The following ZFR2 variants were observed in gnomAD, a reference collection of about 807,000 sequenced individuals.
ZFR2 encodes zinc finger RNA binding protein 2, also known as zinc finger RNA-binding protein 2.
Under a neutral mutation model 105.7 loss-of-function variants are expected in ZFR2, and 104 were observed. That is an observed-to-expected ratio of 0.98 (90% CI 0.84 to 1.16). ZFR2 has a LOEUF of 1.16. Ranked by LOEUF, ZFR2 falls within the 50% of genes most tolerant of loss-of-function variation. The probability of loss-of-function intolerance (pLI) is 0.00; values close to 1 mark genes in which losing one functional copy is unlikely to be tolerated. For synonymous variants in ZFR2, 634 were observed against 597.7 expected, an observed-to-expected ratio of 1.06 and a Z score of -0.89; for missense variants, 1,425 against 1,355.5, an observed-to-expected ratio of 1.05 and a Z score of -0.80.
chr19:3,827,738 G>A (rs1431206311), intron 5 of ZFR2, 85 bp from the exon 6 acceptor site: 13 of 1,481,364 alleles, frequency 8.8e-6, no homozygotes, highest in East Asian at 2.5e-5. Flanking sequence ...GGCTTAGCGC[G>A]AGGGAACTCG....
At chr19:3,807,992 T>C (rs1426126764) in intron 17 of ZFR2, among the ~76,000 whole-genome samples, 2 of 150,092 alleles carry the variant, frequency 1.3e-5, no homozygotes, top group Non-Finnish European at 3.0e-5. Context: ...TGTGCCCGTG[T>C]GTGCAGGTAC....
intron 7 of ZFR2, 134 bp downstream of exon 7, chr19:3,825,095 CG>C: frequency 9.4e-7 from 1 of 1,065,534 alleles, no homozygotes; most frequent in Non-Finnish European, 1.3e-6. Context: ...AAGGGAGAGA[CG>C]GCACCAGCCA....
chr19:3,861,101 C>A (rs1370413279), intron 1 of ZFR2, among the ~76,000 whole-genome samples: 2 of 152,180 alleles, frequency 1.3e-5, no homozygotes, highest in African/African-American at 4.8e-5. Flanking sequence ...GCAGGACTGG[C>A]CTTCCCAGAT....
intron 1 of ZFR2, among the ~76,000 whole-genome samples, chr19:3,867,453 T>C (rs542960488): frequency 6.6e-6 from 1 of 152,122 alleles, no homozygotes; most frequent in South Asian, 2.1e-4. Context: ...TTTGTACACT[T>C]GGGGCACAAA....
chr19:3,819,148 C>A lies in ZFR2; in HGVS notation c.1828G>T (p.Val610Leu). The A allele has an allele frequency of 6.2e-7, 1 of 1,607,434 alleles. No homozygotes were observed. The highest frequency in any genetic ancestry group is 8.5e-7 in the Non-Finnish European group (1 of 1,178,818). ...TCTGCGTGGGACACGGCCCTCTGCA[C>A]GGCCAGGAGCTCCTGCTCCGTGGGG... ...IYPTEQELLA[V>L]QRAVSHAERA... The change falls in exon 12 of 19, where the codon GTG (valine) becomes TTG (leucine). Residue 610 changes from valine (V) to leucine (L), a missense_variant. By Grantham distance (32) the Val-to-Leu change is conservative. Coordinates refer to ENST00000262961, the MANE Select transcript of ZFR2 (RefSeq NM_015174.2).
chr19:3,866,202 G>A lies in ZFR2; in HGVS notation c.53+2763C>T, dbSNP rs542916380. On this transcript the variant is annotated intron_variant, in intron 1 of 18. Transcript: ENST00000262961. Reference sequence around the variant, plus strand: ...AACAAAAGTCATTTCCCACAAGAAAGAATGTCTAGTTAACCTAAAGTCATT... The same window carrying A: ...AACAAAAGTCATTTCCCACAAGAAAAAATGTCTAGTTAACCTAAAGTCATT... Among the ~76,000 whole-genome samples, 164 of 152,288 alleles carry A rather than the reference G, an allele frequency of 1.1e-3. 1 individual carries two copies. The highest frequency in any genetic ancestry group is 3.3e-3 in the South Asian group (16 of 4,828).
chr19:3,857,424 G>A (rs892518790), intron 1 of ZFR2, among the ~76,000 whole-genome samples: 13 of 151,896 alleles, frequency 8.6e-5, no homozygotes, highest in African/African-American at 2.9e-4. Context: ...TCACAAACTG[G>A]CCGGGTGTGG....
Position 3,813,461 on chromosome 19 carries a change from A to G in ZFR2, c.2242+359T>C, listed in dbSNP as rs920087599. ...TCAAACTGAGCTTCTGCCGTGACCC[A>G]GGGGAAATGGCTCAGACCTGTCCTT... On this transcript the variant is annotated intron_variant, in intron 14 of 18. Coordinates refer to ENST00000262961, the MANE Select transcript of ZFR2 (RefSeq NM_015174.2). This position sits in a 1 kb window ranked among gnomAD's most constrained non-coding sequence, Gnocchi z 4.4. Among the ~76,000 whole-genome samples the G allele has an allele frequency of 6.6e-6, 1 of 152,152 alleles. No individual in the cohort carries two copies. The highest frequency in any genetic ancestry group is 2.4e-5 in the African/African-American group (1 of 41,444).
rs540094366 is a variant in ZFR2 at position 3,858,687 on chromosome 19, G to A, written c.53+10278C>T. On this transcript the variant is annotated intron_variant, in intron 1 of 18. Transcript: ENST00000262961. The surrounding 1 kb of genome is among the most constrained non-coding windows in gnomAD (Gnocchi z 4.3). ...ACAAAAATCAACCGGGCATGGTGGT[G>A]CATGCCTGAAATCCCAGCTACTTGG... Among the ~76,000 whole-genome samples the A allele has an allele frequency of 3.9e-5, 6 of 152,316 alleles. No individual in the cohort carries two copies. In the South Asian group the frequency reaches 1.0e-3, roughly 26 times the overall value.
chr19:3,831,202 C>G, intron 5 of ZFR2, 101 bp downstream of exon 5: 1 of 1,413,838 alleles, frequency 7.1e-7, no homozygotes, highest in Non-Finnish European at 9.2e-7. Context: ...CTTCTTTCAG[C>G]AGGCAGCGAC....
chr19:3,817,041 C>T lies in ZFR2; in HGVS notation c.1932-196G>A, dbSNP rs376542762. Among the ~76,000 whole-genome samples the T allele has an allele frequency of 2.4e-4, 36 of 152,278 alleles. 1 individual carries two copies. Among genetic ancestry groups the T allele is most frequent in the African/African-American group, 8.4e-4 (35 of 41,540 alleles). On this transcript the variant is annotated intron_variant, in intron 12 of 18. Coordinates refer to ENST00000262961, the MANE Select transcript of ZFR2 (RefSeq NM_015174.2). ...AAATGAGACACCGTGAGATCGATCT[C>T]GGAGGTGCTGTCACCGGGCATGCCT...
intron 1 of ZFR2, among the ~76,000 whole-genome samples, chr19:3,860,197 A>ATTTTT (rs113571842): frequency 2.2e-5 from 3 of 134,978 alleles, no homozygotes; most frequent in African/African-American, 8.4e-5. Flanking sequence ...TGCCTGGCTA[A>ATTTTT]TTTTTTTTTT....
intron 1 of ZFR2, among the ~76,000 whole-genome samples, chr19:3,851,515 A>G (rs1293803991): frequency 6.6e-6 from 1 of 152,220 alleles, no homozygotes; most frequent in Non-Finnish European, 1.5e-5. Flanking sequence ...AAGCATGCTT[A>G]CACGAGGAAG....
intron 16 of ZFR2, among the ~76,000 whole-genome samples, chr19:3,809,778 T>TA (rs1164330100): frequency 6.6e-6 from 1 of 151,804 alleles, no homozygotes; most frequent in Admixed American, 6.6e-5. Flanking sequence ...ACCCCATCTC[T>TA]ACTAAAAATA....
At chr19:3,847,193 A>C (rs1362465384) in intron 1 of ZFR2, among the ~76,000 whole-genome samples, 1 of 152,214 alleles carries the variant, frequency 6.6e-6, no homozygotes, top group Non-Finnish European at 1.5e-5. Context: ...ACAGCAGGTG[A>C]AAGTTGCCCT....
At position 3,819,138 on chromosome 19, in the gene ZFR2, G is replaced by A. The variant is rs913948933; in HGVS notation, c.1838C>T (p.Ala613Val). Residue 613 changes from alanine to valine, a missense_variant, in exon 12 of 19, where the codon GCC becomes GTC. Physicochemically the swap from Ala to Val is moderately conservative, Grantham distance 64. Coordinates refer to ENST00000262961, the MANE Select transcript of ZFR2 (RefSeq NM_015174.2). ...TEQELLAVQRAVSHAERALKL... is the reference protein window; with the variant it reads ...TEQELLAVQRVVSHAERALKL... ...GAGGGCCCGCTCTGCGTGGGACACGGCCCTCTGCACGGCCAGGAGCTCCTG... is the reference window on the plus strand; with the variant it reads ...GAGGGCCCGCTCTGCGTGGGACACGACCCTCTGCACGGCCAGGAGCTCCTG... The A allele has an allele frequency of 1.9e-6, 3 of 1,609,898 alleles. No individual in the cohort carries two copies. Among genetic ancestry groups the A allele is most frequent in the East Asian group, 2.2e-5 (1 of 44,878 alleles).
In ZFR2 at chr19:3,810,767, C is replaced by T. The variant is rs566696286; in HGVS notation, c.2416G>A (p.Gly806Arg). 18 of 1,549,814 alleles carry T rather than the reference C, an allele frequency of 1.2e-5. No homozygotes were observed. In the South Asian group the frequency reaches 2.0e-4, roughly 17 times the overall value. The change falls in exon 16 of 19, where the codon GGG becomes AGG. Residue 806 changes from glycine to arginine, a missense_variant. Physicochemically the swap from Gly to Arg is moderately radical, Grantham distance 125. Coordinates refer to ENST00000262961, the MANE Select transcript of ZFR2 (RefSeq NM_015174.2). The part of the protein sequence containing the change: ...RDLCRRVPTW[G>R]ALPAWAMELL... ...TGCCTTACCCAGGCTGGCAGGGCCC[C>T]CCAGGTGGGCACACGCCGGCAGAGG...
chr19:3,816,573 T>C, intron 13 of ZFR2, 101 bp downstream of exon 13: 1 of 1,452,382 alleles, frequency 6.9e-7, no homozygotes, highest in East Asian at 2.4e-5. Context: ...TAAAGTTGTG[T>C]AGTAACAAAG....
At chr19:3,857,580 G>A (rs1225332908) in intron 1 of ZFR2, among the ~76,000 whole-genome samples, 1 of 150,192 alleles carries the variant, frequency 6.7e-6, no homozygotes, top group Non-Finnish European at 1.5e-5. Flanking sequence ...TGTAGTCCCA[G>A]CTACTCAGGA....
Sources: allele counts gnomAD v4.1 joint callset (sites outside exome capture counted in the v4.1 genomes callset), GRCh38; gene constraint gnomAD v4.1.1; non-coding constraint Gnocchi (gnomAD v3.1); transcripts MANE v1.5; gene names NCBI Gene and HGNC (gene_info 2026-07-23, HGNC 2026-07-21).